Variants in HCK observed in about 807,000 individuals in gnomAD.
The protein encoded by HCK is HCK proto-oncogene, Src family tyrosine kinase, also known as tyrosine-protein kinase HCK.
Under a neutral mutation model 70.4 loss-of-function variants are expected in HCK, and 40 were observed. That is an observed-to-expected ratio of 0.57 (90% CI 0.44 to 0.74). HCK has a LOEUF of 0.74. Ranked by LOEUF, HCK falls within the 30% of genes least tolerant of loss-of-function variation. HCK has a pLI of 0.00. For missense variants in HCK, 568 were observed against 697.2 expected (o/e 0.81, Z 2.09); for synonymous variants, 245 against 263.2 (o/e 0.93, Z 0.67).
chr20:32,066,331 T>TTTTTTTTTTTTGA lies in HCK; in HGVS notation c.63-5331_63-5330insTTTTTTTTTTTGA, dbSNP rs60044994. ...TTTTTTTTTTTTTTTTTTTTTTTTT[T>TTTTTTTTTTTTGA]GACAGAGTCTTGCTCTGTTTCCCAG... On this transcript the variant is annotated intron_variant, in intron 1 of 12. Transcript: ENST00000375852. Among the ~76,000 whole-genome samples, 57 of 81,910 alleles carry TTTTTTTTTTTTGA rather than the reference T, an allele frequency of 7.0e-4. 13 individuals are homozygous for TTTTTTTTTTTTGA. The highest frequency in any genetic ancestry group is 1.1e-3 in the East Asian group (2 of 1,816). The allele number at this position is 81,910 out of a possible 152,430, so 53.7% of individuals were successfully genotyped here. A position where few individuals can be genotyped will look rare whatever the true frequency, so the allele number is the denominator to read the frequency against.
chr20:32,085,278 C>T (rs995752273), intron 8 of HCK, among the ~76,000 whole-genome samples: 10 of 152,042 alleles, frequency 6.6e-5, no homozygotes, highest in African/African-American at 2.2e-4. Flanking sequence ...TTTGGGAGGC[C>T]GAGGCAAGTG....
In HCK at chr20:32,084,060, G is replaced by A. The variant is rs767679917; in HGVS notation, c.682+17G>A. Reference sequence around the variant, plus strand: ...ACTACAAGAGTGAGTCCCACCCCAGGGGTGACATCCCCACCACGATGGGCC... The same window carrying A: ...ACTACAAGAGTGAGTCCCACCCCAGAGGTGACATCCCCACCACGATGGGCC... On this transcript the variant is annotated intron_variant, in intron 7 of 12. Coordinates refer to ENST00000375852, the MANE Select transcript of HCK (RefSeq NM_002110.5). The A allele has an allele frequency of 6.2e-7, 1 of 1,610,724 alleles. No homozygotes were observed. The highest frequency in any genetic ancestry group is 1.3e-5 in the African/African-American group (1 of 74,748).
intron 1 of HCK, among the ~76,000 whole-genome samples, chr20:32,062,896 C>T (rs903419622): frequency 6.6e-6 from 1 of 152,198 alleles, no homozygotes; most frequent in African/African-American, 2.4e-5. Flanking sequence ...TCCCCACCCC[C>T]ATTGCTGAGC....
chr20:32,068,037 C>G (rs1418215517), intron 1 of HCK, among the ~76,000 whole-genome samples: 3 of 152,064 alleles, frequency 2.0e-5, no homozygotes, highest in Non-Finnish European at 4.4e-5. Context: ...TGGCTCACAC[C>G]TGAAATCCCA....
chr20:32,055,887 T>G (rs1227669197), intron 1 of HCK, among the ~76,000 whole-genome samples: 1 of 152,176 alleles, frequency 6.6e-6, no homozygotes, highest in African/African-American at 2.4e-5. Flanking sequence ...ACGGACTAAT[T>G]TATTCAGGAT....
rs1005251969 is a variant in HCK, at chr20:32,086,266, A to G, written c.836-362A>G. Among the ~76,000 whole-genome samples the G allele has an allele frequency of 2.8e-4, 43 of 152,242 alleles. No homozygotes were observed. In the East Asian group the frequency reaches 7.3e-3, roughly 26 times the overall value. Reference sequence around the variant, plus strand: ...GATCTCCTGACCTTGTGATCCGCCCACCTCGGCCCCCCAAAGTGCTGAGAT... The same window carrying G: ...GATCTCCTGACCTTGTGATCCGCCCGCCTCGGCCCCCCAAAGTGCTGAGAT... On this transcript the variant is annotated intron_variant, in intron 8 of 12. Coordinates refer to ENST00000375852, the MANE Select transcript of HCK (RefSeq NM_002110.5).
intron 1 of HCK, among the ~76,000 whole-genome samples, chr20:32,067,651 T>C (rs1391681905): frequency 6.7e-6 from 1 of 150,138 alleles, no homozygotes; most frequent in Non-Finnish European, 1.5e-5. Context: ...ACACTCCTAC[T>C]GTGTGCCAGG....
Position 32,056,517 on chromosome 20 carries a change from G to GAAA in HCK, c.62+4041_62+4043dup, listed in dbSNP as rs369307656. The stretch of plus-strand genomic sequence containing the variant: ...GGCGACAGAGCGAGACTCCTTCTCA[G>GAAA]AAAAAAAAAAAACAGTAGTTCTATC... On this transcript the variant is annotated intron_variant, in intron 1 of 12. Transcript: ENST00000375852. Among the ~76,000 whole-genome samples, 71 of 144,192 alleles carry GAAA rather than the reference G, an allele frequency of 4.9e-4. 1 individual carries two copies. Among genetic ancestry groups the GAAA allele is most frequent in the Admixed American group, 1.2e-3 (17 of 14,526 alleles). 94.6% of individuals were successfully genotyped at this position (144,192 alleles called of 152,430 possible).
intron 11 of HCK, among the ~76,000 whole-genome samples, chr20:32,094,719 AAG>A (rs2045914244): frequency 9.2e-6 from 1 of 109,152 alleles, no homozygotes; most frequent in African/African-American, 3.8e-5. Flanking sequence ...GAAAGAAAGA[AAG>A]AAAGAAAGAA....
chr20:32,074,327 G>A (rs1019275599), intron 4 of HCK, among the ~76,000 whole-genome samples: 2 of 152,160 alleles, frequency 1.3e-5, no homozygotes, highest in African/African-American at 4.8e-5. Flanking sequence ...ACCCTGCCAT[G>A]GGTATAGCTA....
chr20:32,060,102 G>A (rs1220428015), intron 1 of HCK, among the ~76,000 whole-genome samples: 7 of 152,108 alleles, frequency 4.6e-5, no homozygotes, highest in East Asian at 1.9e-4. Flanking sequence ...TGTCTGGAGG[G>A]GGAAACTTCC....
intron 12 of HCK, among the ~76,000 whole-genome samples, chr20:32,100,092 G>A (rs1277191363): frequency 1.3e-5 from 2 of 151,808 alleles, no homozygotes; most frequent in African/African-American, 4.8e-5. Flanking sequence ...TTTTTTTGTA[G>A]AGACTTGGTC....
Position 32,052,806 on chromosome 20 carries a change from T to TGGGG in HCK, c.62+320_62+321insGGGG, listed in dbSNP as rs2045199705. ...TTGGGGGGGGGCGGGGATTTTTTTT[T>TGGGG]TAATTTAAAAAAGAAAAAGAAGGAA... On this transcript the variant is annotated intron_variant, in intron 1 of 12. Transcript: ENST00000375852. Among the ~76,000 whole-genome samples, 39 of 141,722 alleles carry TGGGG rather than the reference T, an allele frequency of 2.8e-4. 1 individual carries two copies. The highest frequency in any genetic ancestry group is 4.4e-4 in the Non-Finnish European group (28 of 63,754). 93.0% of individuals were successfully genotyped at this position (141,722 alleles called of 152,430 possible).
intron 8 of HCK, among the ~76,000 whole-genome samples, chr20:32,085,761 G>A (rs1000468535): frequency 1.7e-4 from 26 of 152,120 alleles, no homozygotes; most frequent in Admixed American, 1.4e-3. Flanking sequence ...GGAACAGCAT[G>A]TGCCAAATCC....
At chr20:32,087,529 G>A (rs1209277846) in intron 9 of HCK, among the ~76,000 whole-genome samples, 4 of 151,476 alleles carry the variant, frequency 2.6e-5, no homozygotes, top group East Asian at 1.9e-4. Context: ...GTGCAGTGGC[G>A]TGATCATAGT....
chr20:32,096,422 G>A lies in HCK; in HGVS notation c.1246+2406G>A, dbSNP rs1049029245. On this transcript the variant is annotated intron_variant, in intron 11 of 12. Coordinates refer to ENST00000375852, the MANE Select transcript of HCK (RefSeq NM_002110.5). The stretch of plus-strand genomic sequence containing the variant: ...TGAGGCAGGAGAATCATTTGAACCC[G>A]GGAGGCAGAGGTTGCAGCAATGAGC... Among the ~76,000 whole-genome samples, 6 of 150,796 alleles carry A rather than the reference G, an allele frequency of 4.0e-5. No homozygotes were observed. In the South Asian group the frequency reaches 6.3e-4, roughly 16 times the overall value.
At chr20:32,081,161 T>A (rs953464789) in intron 6 of HCK, among the ~76,000 whole-genome samples, 6 of 152,102 alleles carry the variant, frequency 3.9e-5, no homozygotes, top group Admixed American at 1.3e-4. Flanking sequence ...CCTCCCTCCA[T>A]AAGGAAATGA....
At chr20:32,059,678 C>G (rs2122472036) in intron 1 of HCK, among the ~76,000 whole-genome samples, 1 of 152,054 alleles carries the variant, frequency 6.6e-6, no homozygotes, top group East Asian at 1.9e-4. Context: ...CCACACCCAG[C>G]TAATAAAAAA....
rs147876395 is a variant in HCK, at chr20:32,084,422, G to C, written c.714G>C (p.Ser238=). ...ACGACGGGCTCTGCCAGAAACTGTC[G>C]GTGCCCTGCATGTCTTCCAAGCCCC... The change falls in exon 8 of 13, where the codon TCG becomes TCC. Residue 238 remains serine (S), a synonymous_variant. Transcript: ENST00000375852. 6.2e-7 allele frequency: 1 copy of C among 1,613,908 alleles called. No individual in the cohort carries two copies. Among genetic ancestry groups the C allele is most frequent in the African/African-American group, 1.3e-5 (1 of 74,918 alleles).
Sources: allele counts gnomAD v4.1 joint callset (sites outside exome capture counted in the v4.1 genomes callset), GRCh38; gene constraint gnomAD v4.1.1; transcripts MANE v1.5; gene names NCBI Gene and HGNC (gene_info 2026-07-23, HGNC 2026-07-21).